SPDL1: variants seen among roughly 807,000 people sequenced by gnomAD.
The protein encoded by SPDL1 is spindle apparatus coiled-coil protein 1, also known as protein Spindly.
A neutral mutation model predicts 79.5 loss-of-function variants in SPDL1; 85 were observed. The observed-to-expected ratio is 1.07, with a 90% CI of 0.90 to 1.28. The LOEUF (loss-of-function observed/expected upper bound fraction) is 1.28, where lower values mean the gene tolerates loss of function less well. SPDL1 is among the 50% of genes most tolerant of loss of function. SPDL1 has a pLI of 0.00. For missense variants in SPDL1, 703 were observed against 697.8 expected, an observed-to-expected ratio of 1.01 and a Z score of -0.08; for synonymous variants, 269 against 240.3, an observed-to-expected ratio of 1.12 and a Z score of -1.10.
At chr5:169,593,956 G>A (rs909614067) in intron 4 of SPDL1, among the ~76,000 whole-genome samples, 189 bp from the exon 5 acceptor site, 6 of 152,276 alleles carry the variant, frequency 3.9e-5, no homozygotes, top group Middle Eastern at 3.4e-3. Context: ...AGTCTCTAAA[G>A]CCATTTGTTT....
rs1338143870 is a variant in SPDL1, at chr5:169,601,632, G to A, written c.1670+7G>A. 2 of 1,613,130 alleles carry A rather than the reference G, an allele frequency of 1.2e-6. No individual in the cohort carries two copies. The highest frequency in any genetic ancestry group is 1.7e-5 in the Admixed American group (1 of 59,868). The stretch of plus-strand genomic sequence containing the variant: ...ACACCCCTAACTCTCCCAGGTCAGT[G>A]TCCTCTTTTCCTCCAGGCAGCCAGC... On this transcript the variant is annotated splice_region_variant and intron_variant, in intron 11 of 11. Transcript: ENST00000265295.
rs759127477 is a variant in SPDL1 at position 169,594,381 on chromosome 5, CT to C, written c.682-9del. 1 of 1,613,324 alleles carries C rather than the reference CT, an allele frequency of 6.2e-7. No individual in the cohort carries two copies. The highest frequency in any genetic ancestry group is 1.1e-5 in the South Asian group (1 of 91,022). ...TAATCTCTGTTGCCTAAATTGTTTT[CT>C]TTTGAATTTAGAAAGCTCGTGTAGC... On this transcript the variant is annotated splice_polypyrimidine_tract_variant and intron_variant, in intron 5 of 11. Transcript: ENST00000265295.
chr5:169,588,416 C>G lies in SPDL1; in HGVS notation c.-1C>G. On this transcript the variant is annotated 5_prime_UTR_variant, in exon 2 of 12. Coordinates refer to ENST00000265295, the MANE Select transcript of SPDL1 (RefSeq NM_017785.5). ...CAGTTGGCTAAAAAAAAGAAAAGAA[C>G]ATGGAGGCAGATATAATCACAAATC... 6.2e-7 allele frequency: 1 copy of G among 1,600,362 alleles called. No homozygotes were observed. Among genetic ancestry groups the G allele is most frequent in the Non-Finnish European group, 8.5e-7 (1 of 1,175,822 alleles).
At chr5:169,602,497 G>A (rs1755987296) in intron 11 of SPDL1, among the ~76,000 whole-genome samples, 1 of 152,210 alleles carries the variant, frequency 6.6e-6, no homozygotes, top group African/African-American at 2.4e-5. Context: ...GATGTTGAAG[G>A]TGCTACTAGG....
At chr5:169,591,330 C>T in intron 3 of SPDL1, 106 bp downstream of exon 3, 1 of 1,146,256 alleles carries the variant, frequency 8.7e-7, no homozygotes, top group Non-Finnish European at 1.2e-6. Context: ...GCAAAATAGC[C>T]AAGATCTAAG....
At chr5:169,604,007 T>G in intron 11 of SPDL1, 53 bp from the exon 12 acceptor site, 5 of 1,551,388 alleles carry the variant, frequency 3.2e-6, no homozygotes, top group Non-Finnish European at 4.3e-6. Flanking sequence ...GTTTGTTTCT[T>G]CAATCCTTCA....
chr5:169,590,190 A>ATGGCAGGTAAAAAATATCTG (rs1361144335), intron 2 of SPDL1, among the ~76,000 whole-genome samples: 2 of 152,258 alleles, frequency 1.3e-5, no homozygotes, highest in African/African-American at 4.8e-5. Flanking sequence ...CATTGTAAAT[A>ATGGCAGGTAAAAAATATCTG]TGGCAGGTAA....
chr5:169,590,863 A>C, intron 2 of SPDL1, 185 bp from the exon 3 acceptor site: 1 of 665,816 alleles, frequency 1.5e-6, no homozygotes, highest in Non-Finnish European at 2.7e-6. Flanking sequence ...TAGTTTCGAA[A>C]TACACCTCAG....
rs150664949 is a variant in SPDL1, at chr5:169,600,395, A to G, written c.1325-885A>G. On this transcript the variant is annotated intron_variant, in intron 10 of 11. Transcript: ENST00000265295. Reference sequence around the variant, plus strand: ...ATCTGTTGAACTGAACACAGCAAATAGACAGGAGGCAGGGTAGTGAATCCT... The same window carrying G: ...ATCTGTTGAACTGAACACAGCAAATGGACAGGAGGCAGGGTAGTGAATCCT... 8.8e-4 allele frequency among the ~76,000 whole-genome samples: 134 copies of G among 152,342 alleles called. 4 individuals are homozygous for G. Among genetic ancestry groups the G allele is most frequent in the Non-Finnish European group, 7.4e-5 (5 of 68,018 alleles).
rs1186584998 is a variant in SPDL1 at position 169,604,298 on chromosome 5, G to A, written c.*91G>A. ...CTTGATCTGACATATATCACCTTCT[G>A]GGTTATTTACTCATTGTGCCAGGAC... On this transcript the variant is annotated 3_prime_UTR_variant, in exon 12 of 12. Transcript: ENST00000265295. 1.6e-6 allele frequency: 2 copies of A among 1,265,246 alleles called. No individual in the cohort carries two copies. The highest frequency in any genetic ancestry group is 2.1e-6 in the Non-Finnish European group (2 of 948,686). The allele number at this position is 1,265,246 out of a possible 1,614,324, so 78.4% of individuals were successfully genotyped here.
At chr5:169,584,171 G>A (rs751190366) in intron 1 of SPDL1, 2 of 152,204 alleles carry the variant, frequency 1.3e-5, no homozygotes, top group African/African-American at 2.4e-5. Flanking sequence ...TGTGCGGTAC[G>A]GTAGCCTCTA....
intron 3 of SPDL1, among the ~76,000 whole-genome samples, chr5:169,592,658 G>A (rs984120889): frequency 2.0e-5 from 3 of 152,006 alleles, no homozygotes; most frequent in Admixed American, 6.6e-5. Flanking sequence ...GAAACTAGTC[G>A]GATTTGAGGC....
intron 8 of SPDL1, 46 bp downstream of exon 8, chr5:169,596,747 A>C (rs906372660): frequency 6.7e-7 from 1 of 1,483,916 alleles, no homozygotes; most frequent in Admixed American, 2.5e-5. Context: ...TTTGATTTGA[A>C]TATCTTAAAA....
At chr5:169,589,438 C>T (rs1301150347) in intron 2 of SPDL1, among the ~76,000 whole-genome samples, 1 of 152,174 alleles carries the variant, frequency 6.6e-6, no homozygotes, top group Non-Finnish European at 1.5e-5. Context: ...GAGCTCCATC[C>T]TTGGGTTTGT....
chr5:169,584,780 C>T (rs2113304275), intron 1 of SPDL1, among the ~76,000 whole-genome samples: 1 of 152,308 alleles, frequency 6.6e-6, no homozygotes, highest in African/African-American at 2.4e-5. Flanking sequence ...CTTTCTATGC[C>T]TCAGCTTGCA....
intron 2 of SPDL1, chr5:169,590,750 T>G (rs1461913652): frequency 2.1e-6 from 1 of 482,464 alleles, no homozygotes; most frequent in East Asian, 6.0e-5. Flanking sequence ...TTTTTGTTGT[T>G]AGCAGAGATT....
Position 169,598,832 on chromosome 5 carries a change from TTTA to T in SPDL1, c.1137-137_1137-135del, listed in dbSNP as rs1206049068. On this transcript the variant is annotated intron_variant, in intron 9 of 11. Transcript: ENST00000265295. ...CTATTGTTAAGGATTATTTAAATTGTTTATTGTTTCTTTGTTACTAAAAACCCC... is the reference window on the plus strand; with the variant it reads ...CTATTGTTAAGGATTATTTAAATTGTTTGTTTCTTTGTTACTAAAAACCCC... 6.4e-5 allele frequency: 76 copies of T among 1,196,812 alleles called. No homozygotes were observed. In the African/African-American group the frequency reaches 1.1e-3, roughly 17 times the overall value. The allele number at this position is 1,196,812 out of a possible 1,614,324, so 74.1% of individuals were successfully genotyped here.
chr5:169,596,327 A>G (rs1755575881), intron 7 of SPDL1: 3 of 425,360 alleles, frequency 7.1e-6, no homozygotes, highest in Non-Finnish European at 1.2e-5. Context: ...TTTATGTTTC[A>G]CAAAAGTACA....
At chr5:169,587,749 ATTAT>A (rs1755060721) in intron 1 of SPDL1, among the ~76,000 whole-genome samples, 1 of 152,090 alleles carries the variant, frequency 6.6e-6, no homozygotes, top group Admixed American at 6.6e-5. Flanking sequence ...TATTATCATT[ATTAT>A]TTCTCAAGAC....
Sources: allele counts gnomAD v4.1 joint callset (sites outside exome capture counted in the v4.1 genomes callset), GRCh38; gene constraint gnomAD v4.1.1; transcripts MANE v1.5; gene names NCBI Gene and HGNC (gene_info 2026-07-23, HGNC 2026-07-21).